Variants in OR2V2 observed in about 807,000 individuals in gnomAD.
OR2V2 encodes olfactory receptor 2V2.
For synonymous variants in OR2V2, 161 were observed against 151.3 expected (o/e 1.06, Z -0.47); for missense variants, 392 against 392.2 (o/e 1.00, Z 0.00).
At chr5:181,151,096 G>A (rs1427768779) in intron 1 of OR2V2, among the ~76,000 whole-genome samples, 6 of 152,204 alleles carry the variant, frequency 3.9e-5, no homozygotes, top group Admixed American at 3.9e-4. Flanking sequence ...TTCTCAATGA[G>A]CAGAAGACAC....
chr5:181,157,565 G>A lies in OR2V2; in HGVS notation c.*1675G>A, dbSNP rs1248743541. The A allele has an allele frequency of 6.6e-6, 1 of 152,234 alleles. No homozygotes were observed. The highest frequency in any genetic ancestry group is 1.5e-5 in the Non-Finnish European group (1 of 68,056). 9.4% of individuals were successfully genotyped at this position (152,234 alleles called of 1,614,324 possible). ...TCTCCAAGGACTGGTGAAAATAGAA[G>A]TAACTTTCCTTAGTCACGGGGCTGC... On this transcript the variant is annotated 3_prime_UTR_variant, in exon 2 of 2. Transcript: ENST00000641492.
In OR2V2 at chr5:181,159,059, A is replaced by T. The variant is rs182892927; in HGVS notation, c.*3169A>T. ...GAGTCTGACGCTGCAGTGTCACTGC[A>T]CCCCAGCCAGGGCAACTCAGAGAGA... On this transcript the variant is annotated 3_prime_UTR_variant, in exon 2 of 2. Coordinates refer to ENST00000641492, the MANE Select transcript of OR2V2 (RefSeq NM_206880.2). 16 of 151,610 alleles carry T rather than the reference A, an allele frequency of 1.1e-4. No individual in the cohort carries two copies. The highest frequency in any genetic ancestry group is 1.1e-3 in the Admixed American group (16 of 15,222). The allele number at this position is 151,610 out of a possible 1,614,324, so 9.4% of individuals were successfully genotyped here. A position where few individuals can be genotyped will look rare whatever the true frequency, so the allele number is the denominator to read the frequency against.
rs1201511149 is a variant in OR2V2, at chr5:181,158,291, A to G, written c.*2401A>G. 1.3e-5 allele frequency: 2 copies of G among 150,850 alleles called. No individual in the cohort carries two copies. Among genetic ancestry groups the G allele is most frequent in the East Asian group, 3.9e-4 (2 of 5,142 alleles). The allele number at this position is 150,850 out of a possible 1,614,324, so 9.3% of individuals were successfully genotyped here. On this transcript the variant is annotated 3_prime_UTR_variant, in exon 2 of 2. Transcript: ENST00000641492. ...GCAACTGCAAACTTAGAGATGTGTA[A>G]TTGTTAGAGATTTGTAAGAAAATAA...
chr5:181,155,703 G>A lies in OR2V2; in HGVS notation c.761G>A (p.Gly254Glu). The change falls in exon 2 of 2, where the codon GGG (glycine) becomes GAG (glutamate). Residue 254 changes from glycine to glutamate, a missense_variant. Gly to Glu is a moderately conservative substitution (Grantham distance 98, BLOSUM62 -2). Transcript: ENST00000641492. Reference sequence around the variant, plus strand: ...CTGACAGCTGTCACCCTCTTCTATGGGGCAGCCATGTTCATCTACCTGAGG... The same window carrying A: ...CTGACAGCTGTCACCCTCTTCTATGAGGCAGCCATGTTCATCTACCTGAGG... ...SHLTAVTLFY[G>E]AAMFIYLRPR... The A allele has an allele frequency of 6.2e-7, 1 of 1,614,130 alleles. No individual in the cohort carries two copies.
In OR2V2 at chr5:181,152,666, G is replaced by A. The variant is rs3887790; in HGVS notation, c.-24-2253G>A. ...TGACTCACGTCTAAAAACAGAATAC[G>A]CAGAGCTGAAGGGATGTGACTTCTG... On this transcript the variant is annotated intron_variant, in intron 1 of 1. Coordinates refer to ENST00000641492, the MANE Select transcript of OR2V2 (RefSeq NM_206880.2). Among the ~76,000 whole-genome samples, 516 of 152,306 alleles carry A rather than the reference G, an allele frequency of 3.4e-3. 3 individuals carry two copies. Among genetic ancestry groups the A allele is most frequent in the Middle Eastern group, 6.8e-3 (2 of 294 alleles).
chr5:181,155,960 T>A lies in OR2V2; in HGVS notation c.*70T>A. On this transcript the variant is annotated 3_prime_UTR_variant, in exon 2 of 2. Coordinates refer to ENST00000641492, the MANE Select transcript of OR2V2 (RefSeq NM_206880.2). ...GGATGTCGGGTTAATAATTCTCTCA[T>A]TTTCAGTCTTGGTTTCCTCGTGAAT... 1 of 1,407,914 alleles carries A rather than the reference T, an allele frequency of 7.1e-7. No homozygotes were observed. The highest frequency in any genetic ancestry group is 9.6e-7 in the Non-Finnish European group (1 of 1,039,050). 87.2% of individuals were successfully genotyped at this position (1,407,914 alleles called of 1,614,324 possible).
At chr5:181,149,060 T>G (rs1215116644) in intron 1 of OR2V2, among the ~76,000 whole-genome samples, 1 of 152,136 alleles carries the variant, frequency 6.6e-6, no homozygotes, top group Non-Finnish European at 1.5e-5. Context: ...CTGGAAGTTG[T>G]TTGGCTTTAT....
At chr5:181,148,377 T>A (rs1763152071) in intron 1 of OR2V2, among the ~76,000 whole-genome samples, 1 of 152,154 alleles carries the variant, frequency 6.6e-6, no homozygotes, top group Non-Finnish European at 1.5e-5. Flanking sequence ...AGGAGGGGGC[T>A]GATGTGGGAC....
At chr5:181,153,454 C>T (rs1011926565) in intron 1 of OR2V2, among the ~76,000 whole-genome samples, 8 of 151,904 alleles carry the variant, frequency 5.3e-5, no homozygotes, top group Admixed American at 3.3e-4. Context: ...TGGGAGGCCA[C>T]GTCAGGCGGA....
chr5:181,151,748 T>A (rs1763192917), intron 1 of OR2V2, among the ~76,000 whole-genome samples: 1 of 152,088 alleles, frequency 6.6e-6, no homozygotes, highest in South Asian at 2.1e-4. Flanking sequence ...TGGGATCCCA[T>A]GACGGCTTTG....
rs550199960 is a variant in OR2V2, at chr5:181,158,632, T to C, written c.*2742T>C. On this transcript the variant is annotated 3_prime_UTR_variant, in exon 2 of 2. Transcript: ENST00000641492. The stretch of plus-strand genomic sequence containing the variant: ...ACAGAGCAGAAGCCTGTCTCGAAAA[T>C]AAATAAGTAAATAAATAAATAAACA... 6.6e-6 allele frequency: 1 copy of C among 151,466 alleles called. No homozygotes were observed. The highest frequency in any genetic ancestry group is 6.6e-5 in the Admixed American group (1 of 15,234). The allele number at this position is 151,466 out of a possible 1,614,324, so 9.4% of individuals were successfully genotyped here. A position where few individuals can be genotyped will look rare whatever the true frequency, so the allele number is the denominator to read the frequency against.
rs201302859 is a variant in OR2V2, at chr5:181,155,688, T to C, written c.746T>C (p.Val249Ala). ...LATCSSHLTA[V>A]TLFYGAAMFI... ...ACCTGCTCCTCCCACCTGACAGCTG[T>C]CACCCTCTTCTATGGGGCAGCCATG... The change falls in exon 2 of 2, where the codon GTC becomes GCC. Residue 249 changes from valine to alanine, a missense_variant. Coordinates refer to ENST00000641492, the MANE Select transcript of OR2V2 (RefSeq NM_206880.2). 1.2e-6 allele frequency: 2 copies of C among 1,614,222 alleles called. No individual in the cohort carries two copies. The highest frequency in any genetic ancestry group is 3.3e-5 in the Admixed American group (2 of 60,016).
chr5:181,155,053 A>C lies in OR2V2; in HGVS notation c.111A>C (p.Thr37=). ...VLFSVVMAVF[T]VALCGNVLLI... ...TCTCCGTGGTTATGGCGGTCTTCAC[A>C]GTGGCCCTCTGTGGGAATGTCCTCC... Residue 37 remains threonine (T), a synonymous_variant, in exon 2 of 2, where the codon ACA becomes ACC. Transcript: ENST00000641492. The C allele has an allele frequency of 6.2e-7, 1 of 1,614,114 alleles. No individual in the cohort carries two copies.
Position 181,155,443 on chromosome 5 carries a change from C to A in OR2V2, c.501C>A (p.Phe167Leu). Residue 167 changes from phenylalanine to leucine, a missense_variant, in exon 2 of 2, where the codon TTC becomes TTA. Phe to Leu is a conservative substitution (Grantham distance 22). Transcript: ENST00000641492. The stretch of plus-strand genomic sequence containing the variant: ...TCCAGATGGTGGTAGTAATGAATTT[C>A]CCCTACTGTGGCTTGAGGAAGGTGA... ...GLIQMVVVMN[F>L]PYCGLRKVNH... The A allele has an allele frequency of 6.2e-7, 1 of 1,614,202 alleles. No homozygotes were observed. The highest frequency in any genetic ancestry group is 8.5e-7 in the Non-Finnish European group (1 of 1,180,036).
Position 181,155,654 on chromosome 5 carries a change from GC to G in OR2V2, c.715del (p.Leu239TrpfsTer8), listed in dbSNP as rs1187324689. ...QMHSAQAWKK[A>X]LATCSSHLTA... ...GCACTCTGCTCAGGCCTGGAAAAAG[GC>G]CCTGGCCACCTGCTCCTCCCACCTG... On this transcript the variant is annotated frameshift_variant, in exon 2 of 2. Transcript: ENST00000641492. LOFTEE classifies it low-confidence loss of function (END_TRUNC). The G allele has an allele frequency of 1.2e-6, 2 of 1,614,086 alleles. No homozygotes were observed. The highest frequency in any genetic ancestry group is 1.7e-6 in the Non-Finnish European group (2 of 1,180,044).
intron 1 of OR2V2, among the ~76,000 whole-genome samples, chr5:181,150,024 C>G (rs1763174191): frequency 6.6e-6 from 1 of 152,132 alleles, no homozygotes; most frequent in Admixed American, 6.6e-5. Context: ...TTCTGGGGGA[C>G]CTGGTTTGTT....
rs1416950236 is a variant in OR2V2 at position 181,154,914 on chromosome 5, C to T, written c.-24-5C>T. 4 of 1,464,566 alleles carry T rather than the reference C, an allele frequency of 2.7e-6. No individual in the cohort carries two copies. The highest frequency in any genetic ancestry group is 1.1e-5 in the South Asian group (1 of 87,566). 90.7% of individuals were successfully genotyped at this position (1,464,566 alleles called of 1,614,324 possible). Reference sequence around the variant, plus strand: ...CAATGTAACACATCTTGTCCATATTCTCAGGTGACCAGGAGCAACAACCGA... The same window carrying T: ...CAATGTAACACATCTTGTCCATATTTTCAGGTGACCAGGAGCAACAACCGA... On this transcript the variant is annotated splice_region_variant and splice_polypyrimidine_tract_variant and intron_variant, in intron 1 of 1. Transcript: ENST00000641492.
rs1451919705 is a variant in OR2V2 at position 181,156,058 on chromosome 5, C to CTTTCTTTCTTTCTTTCT, written c.*183_*184insCTTTTCTTTCTTTCTTT. 225 of 546,196 alleles carry CTTTCTTTCTTTCTTTCT rather than the reference C, an allele frequency of 4.1e-4. No individual in the cohort carries two copies. In the African/African-American group the frequency reaches 4.2e-3, roughly 10 times the overall value. The allele number at this position is 546,196 out of a possible 1,614,324, so 33.8% of individuals were successfully genotyped here. A position where few individuals can be genotyped will look rare whatever the true frequency, so the allele number is the denominator to read the frequency against. ...ACATCAGTTCTTTCTTTCTTTCTTT[C>CTTTCTTTCTTTCTTTCT]TTTCTTTCTTTCTTTTGTTCTTTCT... On this transcript the variant is annotated 3_prime_UTR_variant, in exon 2 of 2. Transcript: ENST00000641492.
chr5:181,147,921 G>A lies in OR2V2; in HGVS notation c.-99G>A, dbSNP rs1452169580. 1 of 397,812 alleles carries A rather than the reference G, an allele frequency of 2.5e-6. No homozygotes were observed. Among genetic ancestry groups the A allele is most frequent in the African/African-American group, 2.1e-5 (1 of 48,110 alleles). 24.6% of individuals were successfully genotyped at this position (397,812 alleles called of 1,614,324 possible). On this transcript the variant is annotated 5_prime_UTR_variant, in exon 1 of 2. Coordinates refer to ENST00000641492, the MANE Select transcript of OR2V2 (RefSeq NM_206880.2). Reference sequence around the variant, plus strand: ...TGGGAGCAAAAACAGGAGGATGAGTGCATGGCTCTGATGCTAGGAACTCCT... The same window carrying A: ...TGGGAGCAAAAACAGGAGGATGAGTACATGGCTCTGATGCTAGGAACTCCT...
Sources: gnomAD v4.1 joint callset for allele counts (sites outside exome capture counted in the v4.1 genomes callset) on GRCh38, gnomAD v4.1.1 for gene constraint, MANE v1.5 for transcripts, NCBI Gene and HGNC (gene_info 2026-07-23, HGNC 2026-07-21) for gene names.